LPO: variants seen among roughly 807,000 people sequenced by gnomAD.
LPO encodes salivary peroxidase.
In LPO, 70 loss-of-function variants were observed where a neutral mutation model predicts 68.4. That is an observed-to-expected ratio of 1.02 (90% CI 0.84 to 1.25). The LOEUF is 1.25. Ranked by LOEUF, LPO falls within the 50% of genes most tolerant of loss-of-function variation. The pLI, the probability that LPO is intolerant of heterozygous loss-of-function variation, is 0.00. For synonymous variants in LPO, 360 were observed against 357.6 expected, an observed-to-expected ratio of 1.01 and a Z score of -0.08; for missense variants, 873 against 908.4, an observed-to-expected ratio of 0.96 and a Z score of 0.50.
Position 58,238,598 on chromosome 17 carries a change from C to G in LPO, c.-144C>G, listed in dbSNP as rs1192067457. The G allele has an allele frequency of 6.6e-6, 1 of 152,204 alleles. No homozygotes were observed. Among genetic ancestry groups the G allele is most frequent in the Non-Finnish European group, 1.5e-5 (1 of 68,048 alleles). 9.4% of individuals were successfully genotyped at this position (152,204 alleles called of 1,614,324 possible). ...AGTCACACAGTCTTTCCTGCTAAGC[C>G]TCAGCGTCTCCTCCAAGCCACATCA... On this transcript the variant is annotated 5_prime_UTR_variant, in exon 1 of 13. Transcript: ENST00000262290.
At chr17:58,246,925 G>A (rs1326699786) in intron 3 of LPO, among the ~76,000 whole-genome samples, 2 of 152,076 alleles carry the variant, frequency 1.3e-5, no homozygotes, top group Admixed American at 6.5e-5. Context: ...TACCAATAAG[G>A]AAACTGAGTA....
intron 3 of LPO, among the ~76,000 whole-genome samples, chr17:58,245,785 G>A (rs1027710959): frequency 6.6e-6 from 1 of 152,148 alleles, no homozygotes; most frequent in Non-Finnish European, 1.5e-5. Flanking sequence ...TGTCTCCAAA[G>A]GAAAATTCTC....
chr17:58,268,147 C>T lies in LPO; in HGVS notation c.*153C>T, dbSNP rs560134662. ...CCTGGATGAACAGCTTGCTCAGGCC[C>T]CAGGGTGGCTGCCTCGGCCCTCCCA... On this transcript the variant is annotated 3_prime_UTR_variant, in exon 13 of 13. Coordinates refer to ENST00000262290, the MANE Select transcript of LPO (RefSeq NM_006151.3). 4.0e-6 allele frequency: 3 copies of T among 756,020 alleles called. No individual in the cohort carries two copies. In the South Asian group the frequency reaches 5.5e-5, roughly 14 times the overall value. 46.8% of individuals were successfully genotyped at this position (756,020 alleles called of 1,614,324 possible).
chr17:58,250,298 C>A, intron 6 of LPO, 117 bp from the exon 7 acceptor site: 1 of 822,360 alleles, frequency 1.2e-6, no homozygotes, highest in Non-Finnish European at 2.1e-6. Flanking sequence ...TCACAAACTC[C>A]TTGTAGGGAT....
At position 58,268,144 on chromosome 17, in the gene LPO, G is replaced by A. The variant is rs934547322; in HGVS notation, c.*150G>A. 81 of 774,646 alleles carry A rather than the reference G, an allele frequency of 1.0e-4. No homozygotes were observed. Among genetic ancestry groups the A allele is most frequent in the Admixed American group, 5.9e-4 (21 of 35,638 alleles). 48.0% of individuals were successfully genotyped at this position (774,646 alleles called of 1,614,324 possible). A position where few individuals can be genotyped will look rare whatever the true frequency, so the allele number is the denominator to read the frequency against. On this transcript the variant is annotated 3_prime_UTR_variant, in exon 13 of 13. Transcript: ENST00000262290. ...ACCCCTGGATGAACAGCTTGCTCAGGCCCCAGGGTGGCTGCCTCGGCCCTC... is the reference window on the plus strand; with the variant it reads ...ACCCCTGGATGAACAGCTTGCTCAGACCCCAGGGTGGCTGCCTCGGCCCTC...
At position 58,250,638 on chromosome 17, in the gene LPO, A is replaced by G. The variant is rs7208924; in HGVS notation, c.780+17A>G. Reference sequence around the variant, plus strand: ...CCCATCATGGTACGGCCCTGCAGCTAGGCATCTCTGACTAGCCCCTTGCCC... The same window carrying G: ...CCCATCATGGTACGGCCCTGCAGCTGGGCATCTCTGACTAGCCCCTTGCCC... On this transcript the variant is annotated intron_variant, in intron 7 of 12. Coordinates refer to ENST00000262290, the MANE Select transcript of LPO (RefSeq NM_006151.3). The G allele has an allele frequency of 0.34, 552,673 of 1,611,148 alleles. 97,268 individuals are homozygous for G. Among genetic ancestry groups the G allele is most frequent in the African/African-American group, 0.48 (35,896 of 74,828 alleles).
intron 9 of LPO, 53 bp downstream of exon 9, chr17:58,255,024 G>C: frequency 2.5e-6 from 4 of 1,588,082 alleles, no homozygotes; most frequent in Non-Finnish European, 2.6e-6. Flanking sequence ...CCCACTCCTG[G>C]CTCTGCCCTC....
chr17:58,255,061 T>C, intron 9 of LPO, 90 bp downstream of exon 9: 1 of 1,392,184 alleles, frequency 7.2e-7, no homozygotes, highest in Non-Finnish European at 9.9e-7. Context: ...TCAGGCTCTC[T>C]CCTCTGTTCC....
intron 4 of LPO, among the ~76,000 whole-genome samples, chr17:58,248,721 G>T (rs1969897887): frequency 1.1e-4 from 16 of 152,034 alleles, no homozygotes; most frequent in Admixed American, 1.0e-3. Context: ...ACCTCCCGGG[G>T]TATTTCCATT....
intron 9 of LPO, among the ~76,000 whole-genome samples, chr17:58,259,863 C>T (rs952120961): frequency 3.9e-5 from 6 of 152,200 alleles, no homozygotes; most frequent in African/African-American, 1.4e-4. Flanking sequence ...TGCTCTGTCA[C>T]CAGGCTGGAG....
At position 58,254,878 on chromosome 17, in the gene LPO, C is replaced by A. The variant is rs1458420390; in HGVS notation, c.1173C>A (p.Asn391Lys). ...TSHTLFLREHNRLARELKRLN... is the reference protein window; with the variant it reads ...TSHTLFLREHKRLARELKRLN... ...ACACCCTCTTTCTCCGCGAGCATAA[C>A]CGGCTGGCCAGAGAACTAAAGAGAC... The change falls in exon 9 of 13, where the codon AAC becomes AAA. Residue 391 changes from asparagine (N) to lysine (K), a missense_variant. Transcript: ENST00000262290. 2 of 1,614,034 alleles carry A rather than the reference C, an allele frequency of 1.2e-6. No homozygotes were observed. The highest frequency in any genetic ancestry group is 4.5e-5 in the East Asian group (2 of 44,890).
intron 3 of LPO, among the ~76,000 whole-genome samples, chr17:58,246,457 G>A (rs1055216706): frequency 2.2e-4 from 34 of 152,170 alleles, no homozygotes; most frequent in African/African-American, 8.2e-4. Flanking sequence ...AGACTGTGGA[G>A]ATGGCAAAGA....
rs570760654 is a variant in LPO, at chr17:58,249,136, G to C, written c.402G>C (p.Pro134=). 21 of 1,614,098 alleles carry C rather than the reference G, an allele frequency of 1.3e-5. No individual in the cohort carries two copies. The Admixed American group carries it at 1.7e-4, about 13-fold the overall frequency. The part of the protein sequence containing the change: ...GAPAPVVRCD[P]CSPYRTITGD... Reference sequence around the variant, plus strand: ...CTGCTCCCGTGGTGAGATGCGACCCGTGCAGCCCTTACCGCACCATTACGG... The same window carrying C: ...CTGCTCCCGTGGTGAGATGCGACCCCTGCAGCCCTTACCGCACCATTACGG... Residue 134 remains proline (P), a synonymous_variant, in exon 5 of 13, where the codon CCG becomes CCC. Coordinates refer to ENST00000262290, the MANE Select transcript of LPO (RefSeq NM_006151.3).
chr17:58,266,115 C>T (rs1292952295), intron 10 of LPO, 38 bp from the exon 11 acceptor site: 3 of 1,598,218 alleles, frequency 1.9e-6, no homozygotes, highest in South Asian at 2.2e-5. Flanking sequence ...CCCACTCTTC[C>T]CCCAACCTAA....
chr17:58,247,266 G>A (rs1969868105), intron 3 of LPO, among the ~76,000 whole-genome samples: 1 of 152,190 alleles, frequency 6.6e-6, no homozygotes, highest in South Asian at 2.1e-4. Context: ...CACTTGAGGT[G>A]TGCCTAGTGC....
At chr17:58,243,575 C>G (rs534493611) in intron 2 of LPO, 1 of 244,204 alleles carries the variant, frequency 4.1e-6, no homozygotes, top group African/African-American at 2.3e-5. Context: ...AACAGGGAAT[C>G]CCACCATTAC....
Position 58,267,359 on chromosome 17 carries a change from C to T in LPO, c.1704C>T (p.Ser568=). The T allele has an allele frequency of 6.2e-7, 1 of 1,614,044 alleles. No homozygotes were observed. Among genetic ancestry groups the T allele is most frequent in the African/African-American group, 1.3e-5 (1 of 75,058 alleles). Residue 568 remains serine (S), a synonymous_variant, in exon 12 of 13, where the codon TCC becomes TCT. Coordinates refer to ENST00000262290, the MANE Select transcript of LPO (RefSeq NM_006151.3). ...CRDHGQPGYN[S]WRAFCDLSQP... ...GTCTCTCCACCCTAGGGTACAATTC[C>T]TGGAGAGCCTTCTGTGACCTCTCAC...
chr17:58,244,144 G>T (rs954513489), intron 3 of LPO, 63 bp downstream of exon 3: 32 of 1,309,346 alleles, frequency 2.4e-5, no homozygotes, highest in Non-Finnish European at 3.1e-5. Context: ...TCCCTTCACA[G>T]GCTTCCTGTT....
intron 6 of LPO, 26 bp from the exon 7 acceptor site, chr17:58,250,389 C>T (rs768731924): frequency 6.3e-7 from 1 of 1,586,586 alleles, no homozygotes; most frequent in South Asian, 1.1e-5. Context: ...CTCTAATCTG[C>T]CCTCCCCTTC....
Sources: allele counts gnomAD v4.1 joint callset (sites outside exome capture counted in the v4.1 genomes callset), GRCh38; gene constraint gnomAD v4.1.1; transcripts MANE v1.5; gene names NCBI Gene and HGNC (gene_info 2026-07-23, HGNC 2026-07-21).